Variants in STXBP5 observed in about 807,000 individuals in gnomAD.
STXBP5 encodes the protein syntaxin binding protein 5.
A neutral mutation model predicts 152.4 loss-of-function variants in STXBP5; 50 were observed. That is an observed-to-expected ratio of 0.33 (90% CI 0.26 to 0.42). The LOEUF (loss-of-function observed/expected upper bound fraction) is 0.42. Ranked by LOEUF, STXBP5 falls within the 10% of genes least tolerant of loss-of-function variation. The probability of loss-of-function intolerance (pLI) is 1.00; values close to 1 mark genes in which losing one functional copy is unlikely to be tolerated. For missense variants in STXBP5, 1,167 were observed against 1,388.6 expected (o/e 0.84, Z 2.54); for synonymous variants, 492 against 494.7 (o/e 0.99, Z 0.07).
chr6:147,322,139 G>C (rs991283477), intron 16 of STXBP5, among the ~76,000 whole-genome samples: 3 of 152,064 alleles, frequency 2.0e-5, no homozygotes, highest in African/African-American at 7.2e-5. Context: ...CCAGAGGGAG[G>C]GAGGACACTT....
intron 16 of STXBP5, among the ~76,000 whole-genome samples, chr6:147,324,649 T>A (rs1293967800): frequency 1.3e-5 from 2 of 151,962 alleles, no homozygotes. Flanking sequence ...GACTGCCGCT[T>A]CTCCTCAGCT....
At chr6:147,248,333 T>C (rs577462180) in intron 4 of STXBP5, among the ~76,000 whole-genome samples, 2 of 150,854 alleles carry the variant, frequency 1.3e-5, no homozygotes, top group African/African-American at 4.9e-5. Context: ...ATAAACAGAA[T>C]GAGCTTTTTA....
intron 12 of STXBP5, 27 bp downstream of exon 12, chr6:147,314,058 A>T: frequency 3.9e-6 from 6 of 1,558,100 alleles, no homozygotes; most frequent in Non-Finnish European, 5.2e-6. Flanking sequence ...TCAGTATTTA[A>T]TGTTATATTT....
At chr6:147,366,234 C>G (rs187569321) in intron 25 of STXBP5, among the ~76,000 whole-genome samples, 1 of 152,144 alleles carries the variant, frequency 6.6e-6, no homozygotes, top group Admixed American at 6.5e-5. Flanking sequence ...AGCACGTACA[C>G]GTGACTAAGC....
At chr6:147,333,725 A>G (rs1783694689) in intron 18 of STXBP5, among the ~76,000 whole-genome samples, 1 of 152,220 alleles carries the variant, frequency 6.6e-6, no homozygotes, top group African/African-American at 2.4e-5. Context: ...ATAGAAAAGC[A>G]GATACTGGTG....
At chr6:147,306,567 G>A (rs1012146794) in intron 9 of STXBP5, among the ~76,000 whole-genome samples, 1 of 152,200 alleles carries the variant, frequency 6.6e-6, no homozygotes, top group Admixed American at 6.5e-5. Context: ...GATCCTAATG[G>A]AGTAAACAGG....
At chr6:147,304,141 A>G (rs1781968989) in intron 9 of STXBP5, among the ~76,000 whole-genome samples, 1 of 152,208 alleles carries the variant, frequency 6.6e-6, no homozygotes, top group South Asian at 2.1e-4. Context: ...GCATGTCACA[A>G]ACCTTCACAG....
intron 4 of STXBP5, among the ~76,000 whole-genome samples, chr6:147,255,243 A>C (rs1205834492): frequency 1.3e-5 from 2 of 152,220 alleles, no homozygotes; most frequent in Non-Finnish European, 2.9e-5. Context: ...ACATTTTCTC[A>C]CTCATAAGTG....
At chr6:147,220,368 C>T (rs1777398753) in intron 2 of STXBP5, among the ~76,000 whole-genome samples, 1 of 152,042 alleles carries the variant, frequency 6.6e-6, no homozygotes, top group Admixed American at 6.6e-5. Context: ...ATAACGTAGA[C>T]TGTAGATGTC....
chr6:147,206,110 C>T (rs1046598699), intron 2 of STXBP5, 42 bp downstream of exon 2: 2 of 1,543,360 alleles, frequency 1.3e-6, no homozygotes, highest in South Asian at 2.2e-5. Context: ...CTACTTTGTT[C>T]TCCCCAGTCC....
intron 21 of STXBP5, among the ~76,000 whole-genome samples, chr6:147,343,162 G>T (rs1490076669): frequency 6.6e-6 from 1 of 152,008 alleles, no homozygotes; most frequent in Non-Finnish European, 1.5e-5. Context: ...ACTATACCAG[G>T]TATTCTTTAT....
At chr6:147,332,726 A>G (rs1020555096) in intron 18 of STXBP5, among the ~76,000 whole-genome samples, 19 of 152,198 alleles carry the variant, frequency 1.2e-4, no homozygotes, top group African/African-American at 4.1e-4. Context: ...CCTGAGTGAG[A>G]TGAAGGCACT....
chr6:147,264,557 C>T (rs185491591), intron 6 of STXBP5, among the ~76,000 whole-genome samples: 1 of 152,170 alleles, frequency 6.6e-6, no homozygotes, highest in Admixed American at 6.5e-5. Flanking sequence ...TTATGCTAAG[C>T]TTTCTTTCTA....
chr6:147,349,832 A>G (rs1562262059), intron 21 of STXBP5, among the ~76,000 whole-genome samples: 1 of 152,220 alleles, frequency 6.6e-6, no homozygotes, highest in South Asian at 2.1e-4. Flanking sequence ...TTCTGTACTC[A>G]TGGAAGGCCT....
Position 147,386,364 on chromosome 6 carries a change from T to C in STXBP5, c.*1609T>C, listed in dbSNP as rs889750260. On this transcript the variant is annotated 3_prime_UTR_variant, in exon 28 of 28. Coordinates refer to ENST00000321680, the MANE Select transcript of STXBP5 (RefSeq NM_001127715.4). ...GATCATTAAAGGAATATGTAGGACA[T>C]CTTAACTTTTTCATACAGTCTGTTA... 1 of 151,780 alleles carries C rather than the reference T, an allele frequency of 6.6e-6. No individual in the cohort carries two copies. The highest frequency in any genetic ancestry group is 1.5e-5 in the Non-Finnish European group (1 of 67,818). 9.4% of individuals were successfully genotyped at this position (151,780 alleles called of 1,614,324 possible).
chr6:147,252,153 A>G lies in STXBP5; in HGVS notation c.432-8462A>G, dbSNP rs543044667. Among the ~76,000 whole-genome samples the G allele has an allele frequency of 4.6e-5, 7 of 152,278 alleles. No homozygotes were observed. The South Asian group carries it at 1.5e-3, about 32-fold the overall frequency. Reference sequence around the variant, plus strand: ...AGCACAAAAAGGCTGAAAATTCAAAAACCAAAATGTCTCTTCTCCTCCAAA... The same window carrying G: ...AGCACAAAAAGGCTGAAAATTCAAAGACCAAAATGTCTCTTCTCCTCCAAA... On this transcript the variant is annotated intron_variant, in intron 4 of 27. Transcript: ENST00000321680.
chr6:147,322,376 A>G (rs1782979669), intron 16 of STXBP5, among the ~76,000 whole-genome samples: 1 of 152,226 alleles, frequency 6.6e-6, no homozygotes, highest in Non-Finnish European at 1.5e-5. Flanking sequence ...TTGCCTTGCA[A>G]ACCTTGACCA....
intron 2 of STXBP5, among the ~76,000 whole-genome samples, chr6:147,230,125 C>T (rs1346343327): frequency 6.6e-6 from 1 of 151,822 alleles, no homozygotes; most frequent in African/African-American, 2.4e-5. Flanking sequence ...TGTGGTTGTG[C>T]TCTGTATTCT....
At chr6:147,247,716 C>T (rs1471482274) in intron 4 of STXBP5, among the ~76,000 whole-genome samples, 4 of 152,120 alleles carry the variant, frequency 2.6e-5, no homozygotes, top group South Asian at 2.1e-4. Context: ...TTAATTTTGT[C>T]CTTGTTTAAC....
Sources: gnomAD v4.1 joint callset for allele counts (sites outside exome capture counted in the v4.1 genomes callset) on GRCh38, gnomAD v4.1.1 for gene constraint, MANE v1.5 for transcripts, NCBI Gene and HGNC (gene_info 2026-07-23, HGNC 2026-07-21) for gene names.